The following MED16 variants were observed in gnomAD, a reference collection of about 807,000 sequenced individuals.
MED16 encodes mediator of RNA polymerase II transcription subunit 16.
A neutral mutation model predicts 84.4 loss-of-function variants in MED16; 81 were observed. The observed-to-expected ratio is 0.96, with a 90% CI of 0.80 to 1.15. The LOEUF is 1.15. MED16 is among the 50% of genes most tolerant of loss of function. The pLI is 0.00. For missense variants in MED16, 1,585 were observed against 1,245.9 expected (o/e 1.27, Z -4.10); for synonymous variants, 897 against 552.2 (o/e 1.62, Z -8.76).
In MED16 at chr19:868,942, G is replaced by C. The variant is rs750126553; in HGVS notation, c.2320C>G (p.Pro774Ala). 1 of 1,537,376 alleles carries C rather than the reference G, an allele frequency of 6.5e-7. No individual in the cohort carries two copies. The highest frequency in any genetic ancestry group is 2.4e-5 in the East Asian group (1 of 41,960). The change falls in exon 14 of 16, where the codon CCA becomes GCA. Residue 774 changes from proline to alanine, a missense_variant. Pro to Ala is a conservative substitution (Grantham distance 27). Coordinates refer to ENST00000325464, the MANE Select transcript of MED16 (RefSeq NM_005481.3). ...TLQLDGLARA[P>A]GQPKIDHLRR... ...AGGTGGTCGATCTTGGGCTGGCCTGGGGCCCTGGCGGGAGAGGGGAGAACG... is the reference window on the plus strand; with the variant it reads ...AGGTGGTCGATCTTGGGCTGGCCTGCGGCCCTGGCGGGAGAGGGGAGAACG...
intron 4 of MED16, among the ~76,000 whole-genome samples, chr19:887,523 G>A (rs111830851): frequency 0.018 from 2,799 of 152,022 alleles, 74 homozygotes; most frequent in African/African-American, 0.063. Flanking sequence ...AAAATTAGCC[G>A]GGCGCGGTGG....
chr19:875,025 G>T (rs879559716), intron 10 of MED16, among the ~76,000 whole-genome samples: 1 of 152,026 alleles, frequency 6.6e-6, no homozygotes, highest in Non-Finnish European at 1.5e-5. Flanking sequence ...TCAGCCGGGC[G>T]TGGTGGCACG....
In MED16 at chr19:873,437, A is replaced by AGCATG; in HGVS notation, c.1905+7_1905+11dup. 6.2e-7 allele frequency: 1 copy of AGCATG among 1,604,592 alleles called. No individual in the cohort carries two copies. ...GGTGGGGGGCGGGGCCTTAGGGGAG[A>AGCATG]GCATGGCGCACCTGGTTGGGTAGGC... On this transcript the variant is annotated intron_variant, in intron 11 of 15. Transcript: ENST00000325464.
intron 6 of MED16, among the ~76,000 whole-genome samples, chr19:884,678 C>G (rs1338331873): frequency 1.3e-5 from 2 of 152,218 alleles, no homozygotes; most frequent in Non-Finnish European, 2.9e-5. Flanking sequence ...GCCGCCGCAG[C>G]GGGCGTGGAA....
Position 868,205 on chromosome 19 carries a change from A to C in MED16, c.2530T>G (p.Ser844Ala), listed in dbSNP as rs2035960224. The C allele has an allele frequency of 6.2e-7, 1 of 1,605,554 alleles. No homozygotes were observed. ...TGGACAAAGGCAGGGGCTTCCTCAG[A>C]AGCTCTGCTGGTCACGCAGGCGTCC... ...GPDACVTSRA[S>A]EEAPAFVQLG... is the part of the protein sequence containing the mutation. The change falls in exon 16 of 16, where the codon TCT (serine) becomes GCT (alanine). Residue 844 changes from serine (S) to alanine (A), a missense_variant. Physicochemically the swap from Ser to Ala is moderately conservative, Grantham distance 99. Transcript: ENST00000325464.
chr19:877,795 C>T, intron 8 of MED16, among the ~76,000 whole-genome samples: 1 of 107,438 alleles, frequency 9.3e-6, no homozygotes, highest in Non-Finnish European at 1.9e-5. Flanking sequence ...CAGCCCCAGC[C>T]CCACGTGCCC....
At chr19:887,352 G>T (rs969196194) in intron 4 of MED16, among the ~76,000 whole-genome samples, 1 of 152,114 alleles carries the variant, frequency 6.6e-6, no homozygotes, top group African/African-American at 2.4e-5. Context: ...GAGCACATGT[G>T]CCTTTTATTA....
At chr19:884,870 GC>G in intron 6 of MED16, 32 bp downstream of exon 6, 1 of 1,554,634 alleles carries the variant, frequency 6.4e-7, no homozygotes. Context: ...CCGAGGGCAG[GC>G]CCAGGGCCTC....
At chr19:879,649 G>GTC in intron 8 of MED16, among the ~76,000 whole-genome samples, 1 of 44,900 alleles carries the variant, frequency 2.2e-5, no homozygotes, top group Admixed American at 2.2e-4. Context: ...AGCAGCTCAC[G>GTC]TTCCCCTGGT....
At chr19:889,601 C>T (rs370236147) in intron 4 of MED16, 37 bp downstream of exon 4, 6 of 1,579,886 alleles carry the variant, frequency 3.8e-6, no homozygotes, top group Non-Finnish European at 5.2e-6. Context: ...GGTGACATCT[C>T]ATCTGCCTCA....
At chr19:870,443 C>T (rs1331436587) in intron 13 of MED16, among the ~76,000 whole-genome samples, 2 of 151,966 alleles carry the variant, frequency 1.3e-5, no homozygotes, top group Non-Finnish European at 2.9e-5. Flanking sequence ...TGCCTGTAAT[C>T]CCAGCTACTG....
chr19:873,598 G>T lies in MED16; in HGVS notation c.1772-16C>A, dbSNP rs1201215232. 5 of 1,611,508 alleles carry T rather than the reference G, an allele frequency of 3.1e-6. No homozygotes were observed. Among genetic ancestry groups the T allele is most frequent in the Admixed American group, 1.7e-5 (1 of 59,970 alleles). On this transcript the variant is annotated splice_polypyrimidine_tract_variant and intron_variant, in intron 10 of 15. Transcript: ENST00000325464. The stretch of plus-strand genomic sequence containing the variant: ...TTGTCAATGTCTACAAGGAGACGTG[G>T]GTCGGGTCAGCTCGGGCCTCTTGTA...
At chr19:885,451 G>A (rs181857873) in intron 5 of MED16, among the ~76,000 whole-genome samples, 8 of 152,028 alleles carry the variant, frequency 5.3e-5, no homozygotes, top group East Asian at 3.9e-4. Flanking sequence ...GGGAGAGCAC[G>A]TTGGGGGGGG....
At chr19:890,104 G>T in intron 3 of MED16, 33 bp downstream of exon 3, 2 of 1,490,596 alleles carry the variant, frequency 1.3e-6, no homozygotes, top group South Asian at 1.2e-5. Flanking sequence ...GATCCGGGTC[G>T]CCACCCCTGG....
At chr19:881,512 C>G (rs747542361) in intron 7 of MED16, 47 bp downstream of exon 7, 1 of 1,575,378 alleles carries the variant, frequency 6.3e-7, no homozygotes, top group Admixed American at 1.7e-5. Flanking sequence ...CCCAACTCCC[C>G]TGGTGTGAAC....
chr19:873,695 A>G (rs2036157646), intron 10 of MED16, 113 bp from the exon 11 acceptor site: 3 of 1,253,952 alleles, frequency 2.4e-6, no homozygotes, highest in African/African-American at 1.5e-5. Context: ...ACCAGGACAC[A>G]AGGGGACCCA....
intron 4 of MED16, among the ~76,000 whole-genome samples, chr19:889,337 G>A (rs1012175705): frequency 6.6e-6 from 1 of 152,096 alleles, no homozygotes; most frequent in Non-Finnish European, 1.5e-5. Context: ...AAGGACAGTA[G>A]CCTCCAGTGA....
rs1176259293 is a variant in MED16 at position 889,707 on chromosome 19, C to T, written c.378G>A (p.Val126=). ...NSWESSVGSL[V]EGDPIVALSW... ...ACAGGGCCACAATGGGGTCCCCCTC[C>T]ACTAGGCTGCCCACTGAGCTCTCCC... The change falls in exon 4 of 16, where the codon GTG becomes GTA. Residue 126 remains valine, a synonymous_variant. Coordinates refer to ENST00000325464, the MANE Select transcript of MED16 (RefSeq NM_005481.3). 2 of 1,613,762 alleles carry T rather than the reference C, an allele frequency of 1.2e-6. No homozygotes were observed. Among genetic ancestry groups the T allele is most frequent in the African/African-American group, 1.3e-5 (1 of 74,940 alleles).
intron 8 of MED16, among the ~76,000 whole-genome samples, chr19:878,485 C>T (rs55896161): frequency 5.7e-4 from 63 of 110,628 alleles, no homozygotes; most frequent in Admixed American, 1.8e-3. Context: ...CTTCCCCTGG[C>T]TGTCAATGCC....
Sources: gnomAD v4.1 joint callset for allele counts (sites outside exome capture counted in the v4.1 genomes callset) on GRCh38, gnomAD v4.1.1 for gene constraint, MANE v1.5 for transcripts, NCBI Gene and HGNC (gene_info 2026-07-23, HGNC 2026-07-21) for gene names.